Variants in NHS observed in about 807,000 individuals in gnomAD.
NHS encodes NHS actin remodeling regulator, also known as actin remodeling regulator NHS.
A neutral mutation model predicts 72.5 loss-of-function variants in NHS; 5 were observed. The ratio of observed to expected loss-of-function variants is 0.07; its 90% CI spans 0.04 to 0.14. NHS has a LOEUF of 0.14. Among genes scored for constraint, NHS ranks in the 10% least tolerant of loss-of-function variants. The probability of loss-of-function intolerance (pLI) is 1.00; values close to 1 mark genes in which losing one functional copy is unlikely to be tolerated. For synonymous variants in NHS, 464 were observed against 547.7 expected, an observed-to-expected ratio of 0.85 and a Z score of 2.13; for missense variants, 1,072 against 1,355.7, an observed-to-expected ratio of 0.79 and a Z score of 3.29.
chrX:17,405,225 G>A (rs1213768885), intron 1 of NHS, among the ~76,000 whole-genome samples: 1 of 112,000 alleles, frequency 8.9e-6, no homozygotes, highest in Non-Finnish European at 1.9e-5. Context: ...CCTGGAAGTT[G>A]GGTACTAAAC....
chrX:17,393,070 C>T (rs1485897953), intron 1 of NHS, among the ~76,000 whole-genome samples: 1 of 111,710 alleles, frequency 9.0e-6, no homozygotes, highest in Non-Finnish European at 1.9e-5. Context: ...TATGAGTATA[C>T]CATGGTATGG....
chrX:17,541,676 G>A (rs2065263774), intron 1 of NHS, among the ~76,000 whole-genome samples: 1 of 109,572 alleles, frequency 9.1e-6, no homozygotes, highest in African/African-American at 3.3e-5. Flanking sequence ...AGCTTTGATG[G>A]GCTTTCAGCG....
At position 17,618,331 on chromosome X, in the gene NHS, C is replaced by T. The variant is rs184194006; in HGVS notation, c.566-69411C>T. 1.6e-3 allele frequency among the ~76,000 whole-genome samples: 176 copies of T among 112,174 alleles called. 1 individual carries two copies. The highest frequency in any genetic ancestry group is 5.7e-3 in the African/African-American group (175 of 30,945). ...AATCCACATCATTAATTCTTGGCTT[C>T]TTCCCAAACTCTCCAGTCTTTCTCC... On this transcript the variant is annotated intron_variant, in intron 1 of 8. Transcript: ENST00000676302.
intron 1 of NHS, among the ~76,000 whole-genome samples, chrX:17,451,893 T>C (rs936171654): frequency 1.8e-5 from 2 of 112,407 alleles, no homozygotes; most frequent in Admixed American, 1.9e-4. Flanking sequence ...ATTATTTTCC[T>C]CTTAATTGCT....
At chrX:17,663,736 G>T (rs1282408231) in intron 1 of NHS, among the ~76,000 whole-genome samples, 4 of 111,808 alleles carry the variant, frequency 3.6e-5, no homozygotes, top group African/African-American at 1.3e-4. Flanking sequence ...ATCTAGGAGT[G>T]AAATTGCTTA....
At chrX:17,486,312 A>G (rs759973770) in intron 1 of NHS, among the ~76,000 whole-genome samples, 27 of 112,581 alleles carry the variant, frequency 2.4e-4, no homozygotes, top group African/African-American at 8.4e-4. Context: ...AGTAAAAATA[A>G]CAGTAGCTAT....
At chrX:17,571,518 C>A (rs1601779008) in intron 1 of NHS, among the ~76,000 whole-genome samples, 1 of 110,926 alleles carries the variant, frequency 9.0e-6, no homozygotes, top group African/African-American at 3.3e-5. Context: ...TGGTGGTATC[C>A]CCTTTATCAT....
At chrX:17,531,059 C>T (rs1379928272) in intron 1 of NHS, among the ~76,000 whole-genome samples, 1 of 111,989 alleles carries the variant, frequency 8.9e-6, no homozygotes, top group Non-Finnish European at 1.9e-5. Flanking sequence ...AACCCTGGCC[C>T]TTCTGGCAGC....
At chrX:17,633,286 T>C (rs2065829063) in intron 1 of NHS, among the ~76,000 whole-genome samples, 2 of 112,160 alleles carry the variant, frequency 1.8e-5, no homozygotes, top group African/African-American at 6.5e-5. Flanking sequence ...TGATCTCTTT[T>C]TGTGTTTTAT....
chrX:17,473,022 A>G (rs1450045570), intron 1 of NHS, among the ~76,000 whole-genome samples: 1 of 112,463 alleles, frequency 8.9e-6, no homozygotes, highest in Non-Finnish European at 1.9e-5. Context: ...CAGACAGTGA[A>G]AAGTTTGAAC....
Position 17,419,701 on chromosome X carries a change from C to T in NHS, c.565+43379C>T, listed in dbSNP as rs749227586. On this transcript the variant is annotated intron_variant, in intron 1 of 8. Coordinates refer to ENST00000676302, the MANE Select transcript of NHS (RefSeq NM_001291867.2). ...AAAGTGCGAATCCATTAGTCATGGC[C>T]GTGAATCGCCCACCTCAAGGATCTG... 9.0e-5 allele frequency among the ~76,000 whole-genome samples: 10 copies of T among 111,055 alleles called. No individual in the cohort carries two copies. The East Asian group carries it at 2.3e-3, about 25-fold the overall frequency.
At chrX:17,447,002 A>G (rs1055257621) in intron 1 of NHS, among the ~76,000 whole-genome samples, 1 of 112,161 alleles carries the variant, frequency 8.9e-6, no homozygotes, top group Non-Finnish European at 1.9e-5. Flanking sequence ...TAAAAATGCA[A>G]TCAGTAAGTA....
At chrX:17,405,430 AG>A (rs1469393573) in intron 1 of NHS, among the ~76,000 whole-genome samples, 1 of 111,569 alleles carries the variant, frequency 9.0e-6, no homozygotes, top group African/African-American at 3.3e-5. Context: ...TTTGGATTCT[AG>A]GTTTCATCTT....
intron 1 of NHS, among the ~76,000 whole-genome samples, chrX:17,594,957 C>T (rs1202538065): frequency 8.9e-6 from 1 of 112,028 alleles, no homozygotes; most frequent in Non-Finnish European, 1.9e-5. Context: ...ACCTTCTGAG[C>T]TAGATGATTC....
intron 1 of NHS, among the ~76,000 whole-genome samples, chrX:17,454,627 C>T (rs996903274): frequency 1.8e-5 from 2 of 112,144 alleles, no homozygotes; most frequent in South Asian, 3.7e-4. Flanking sequence ...TGTGATCTTG[C>T]GGGAGTCATA....
At chrX:17,496,955 T>C (rs1217703910) in intron 1 of NHS, among the ~76,000 whole-genome samples, 6 of 112,075 alleles carry the variant, frequency 5.4e-5, no homozygotes, top group Non-Finnish European at 1.9e-5. Context: ...GGGAAAACCC[T>C]GGCGGAAGAA....
At chrX:17,518,746 T>C (rs1476416947) in intron 1 of NHS, among the ~76,000 whole-genome samples, 2 of 111,515 alleles carry the variant, frequency 1.8e-5, no homozygotes, top group Non-Finnish European at 3.8e-5. Flanking sequence ...CACACCAGAG[T>C]CACCTGGGGA....
chrX:17,413,327 C>T (rs1277303750), intron 1 of NHS, among the ~76,000 whole-genome samples: 1 of 112,306 alleles, frequency 8.9e-6, no homozygotes, highest in Non-Finnish European at 1.9e-5. Flanking sequence ...GTTATCATTT[C>T]TCCTCTCAAG....
At chrX:17,399,733 T>G (rs949364371) in intron 1 of NHS, among the ~76,000 whole-genome samples, 14 of 112,074 alleles carry the variant, frequency 1.2e-4, no homozygotes, top group Non-Finnish European at 2.6e-4. Context: ...AGATACGGAT[T>G]GTTACAGTGA....
Sources: gnomAD v4.1 joint callset for allele counts (sites outside exome capture counted in the v4.1 genomes callset) on GRCh38, gnomAD v4.1.1 for gene constraint, MANE v1.5 for transcripts, NCBI Gene and HGNC (gene_info 2026-07-23, HGNC 2026-07-21) for gene names.